GOLGA3: variants seen among roughly 807,000 people sequenced by gnomAD.
The protein encoded by GOLGA3 is golgin subfamily A member 3.
A neutral mutation model predicts 169.4 loss-of-function variants in GOLGA3; 75 were observed. The ratio of observed to expected loss-of-function variants is 0.44; its 90% CI spans 0.37 to 0.54. The LOEUF (loss-of-function observed/expected upper bound fraction) is 0.54. GOLGA3 is among the 20% of genes least tolerant of loss of function. GOLGA3 has a pLI of 0.00. For missense variants in GOLGA3, 1,899 were observed against 1,930.0 expected (o/e 0.98, Z 0.30); for synonymous variants, 824 against 822.4 (o/e 1.00, Z -0.03).
chr12:132,784,340 T>C (rs1169405026), intron 15 of GOLGA3, 33 bp from the exon 16 acceptor site: 5 of 1,578,788 alleles, frequency 3.2e-6, no homozygotes, highest in Non-Finnish European at 3.4e-6. Context: ...CGCTTGGTCA[T>C]GGGACAGGCC....
chr12:132,773,015 G>A lies in GOLGA3; in HGVS notation c.*90C>T. On this transcript the variant is annotated 3_prime_UTR_variant, in exon 24 of 24. Transcript: ENST00000450791. ...AGGCAAAACAAAACTTAAATTTCATGTCTTAGAAAAACATCGACCACACAA... is the reference window on the plus strand; with the variant it reads ...AGGCAAAACAAAACTTAAATTTCATATCTTAGAAAAACATCGACCACACAA... The A allele has an allele frequency of 1.0e-6, 1 of 976,410 alleles. No individual in the cohort carries two copies. The highest frequency in any genetic ancestry group is 1.5e-6 in the Non-Finnish European group (1 of 681,910). 60.5% of individuals were successfully genotyped at this position (976,410 alleles called of 1,614,324 possible).
At chr12:132,780,722 G>A (rs1341157445) in intron 18 of GOLGA3, 76 bp downstream of exon 18, 3 of 909,232 alleles carry the variant, frequency 3.3e-6, no homozygotes, top group Non-Finnish European at 3.6e-6. Context: ...AGGCTGGTGT[G>A]TGAAGGACCC....
At chr12:132,783,291 AG>A (rs1480254154) in intron 16 of GOLGA3, among the ~76,000 whole-genome samples, 1 of 148,390 alleles carries the variant, frequency 6.7e-6, no homozygotes, top group African/African-American at 2.5e-5. Flanking sequence ...GGTCATGGTC[AG>A]TTGCTTCCCC....
rs780760765 is a variant in GOLGA3 at position 132,777,105 on chromosome 12, CAAGA to C, written c.3723-19_3723-16del. 1.3e-6 allele frequency: 2 copies of C among 1,568,426 alleles called. No homozygotes were observed. Among genetic ancestry groups the C allele is most frequent in the South Asian group, 1.2e-5 (1 of 83,704 alleles). On this transcript the variant is annotated splice_polypyrimidine_tract_variant and intron_variant, in intron 19 of 23. Transcript: ENST00000450791. This position sits in a 1 kb window ranked among gnomAD's most constrained non-coding sequence, Gnocchi z 4.7. ...CCTCCCGAATCCTAGCGTAAAAAAA[CAAGA>C]AAGAAGGGAATCGCCACGCTCCTCC...
rs895999117 is a variant in GOLGA3 at position 132,804,570 on chromosome 12, G to A, written c.1597+146C>T. ...CGGGGACCAGTCGAGGAAGGAGGGA[G>A]CAGCGGGGACCAGTCGAGGAAGGAG... is the stretch of plus-strand genomic sequence containing the variant. On this transcript the variant is annotated intron_variant, in intron 7 of 23. Coordinates refer to ENST00000450791, the MANE Select transcript of GOLGA3 (RefSeq NM_001389683.1). The surrounding 1 kb of genome is among the most constrained non-coding windows in gnomAD (Gnocchi z 4.1). 5 of 665,806 alleles carry A rather than the reference G, an allele frequency of 7.5e-6. No homozygotes were observed. The highest frequency in any genetic ancestry group is 7.2e-5 in the African/African-American group (4 of 55,562). The allele number at this position is 665,806 out of a possible 1,614,324, so 41.2% of individuals were successfully genotyped here. A position where few individuals can be genotyped will look rare whatever the true frequency, so the allele number is the denominator to read the frequency against.
chr12:132,816,918 C>CACGG lies in GOLGA3; in HGVS notation c.134-110_134-107dup, dbSNP rs1949983814. 3 of 1,026,152 alleles carry CACGG rather than the reference C, an allele frequency of 2.9e-6. No homozygotes were observed. In the African/African-American group the frequency reaches 4.9e-5, roughly 17 times the overall value. 63.6% of individuals were successfully genotyped at this position (1,026,152 alleles called of 1,614,324 possible). On this transcript the variant is annotated intron_variant, in intron 2 of 23. Transcript: ENST00000450791. ...AGAGAAGAGGATCCAGACTCATGAG[C>CACGG]ACGGCACTTTCTCATCCCACAAAGG...
chr12:132,809,839 G>A (rs189186957), intron 4 of GOLGA3, among the ~76,000 whole-genome samples: 64 of 152,300 alleles, frequency 4.2e-4, no homozygotes, highest in Middle Eastern at 3.4e-3. Flanking sequence ...GGAACAGCCC[G>A]TGTCCTCTGT....
Position 132,808,046 on chromosome 12 carries a change from G to C in GOLGA3, c.1023C>G (p.Thr341=). The change falls in exon 5 of 24, where the codon ACC becomes ACG. Residue 341 remains threonine, a synonymous_variant. Transcript: ENST00000450791. Reference sequence around the variant, plus strand: ...TCTCCTGGCCGTTGACCATATAGGGGGTGTCCTGCGTGCCCACTGTCTTCG... The same window carrying C: ...TCTCCTGGCCGTTGACCATATAGGGCGTGTCCTGCGTGCCCACTGTCTTCG... ...ILSKTVGTQD[T]PYMVNGQEIP... is the part of the protein sequence containing the mutation. 1 of 1,603,892 alleles carries C rather than the reference G, an allele frequency of 6.2e-7. No individual in the cohort carries two copies. The highest frequency in any genetic ancestry group is 8.5e-7 in the Non-Finnish European group (1 of 1,174,112).
In GOLGA3 at chr12:132,807,962, G is replaced by T. The variant is rs375562503; in HGVS notation, c.1107C>A (p.Ala369=). The part of the protein sequence containing the change: ...PSIKDVLQAA[A]AEHQDQGQEV... ...CCTGCCCCTGGTCTTGGTGCTCAGCGGCTGCGGCCTGGAGGACGTCCTTAA... is the reference window on the plus strand; with the variant it reads ...CCTGCCCCTGGTCTTGGTGCTCAGCTGCTGCGGCCTGGAGGACGTCCTTAA... The change falls in exon 5 of 24, where the codon GCC becomes GCA. Residue 369 remains alanine (A), a synonymous_variant. Transcript: ENST00000450791. The T allele has an allele frequency of 6.2e-7, 1 of 1,612,932 alleles. No homozygotes were observed. Among genetic ancestry groups the T allele is most frequent in the African/African-American group, 1.3e-5 (1 of 74,570 alleles).
rs1198638648 is a variant in GOLGA3, at chr12:132,812,212, C to CAT, written c.519+1093_519+1094dup. Reference sequence around the variant, plus strand: ...CAAAATACACACACACACACACACACATATATATATATATATATTTTTTTT... The same window carrying CAT: ...CAAAATACACACACACACACACACACATATATATATATATATATATTTTTTTT... On this transcript the variant is annotated intron_variant, in intron 4 of 23. Transcript: ENST00000450791. Among the ~76,000 whole-genome samples the CAT allele has an allele frequency of 4.1e-3, 477 of 116,292 alleles. 1 individual carries two copies. Among genetic ancestry groups the CAT allele is most frequent in the African/African-American group, 0.012 (445 of 36,254 alleles). The allele number at this position is 116,292 out of a possible 152,430, so 76.3% of individuals were successfully genotyped here.
At chr12:132,790,165 A>T (rs912650913) in intron 12 of GOLGA3, among the ~76,000 whole-genome samples, 8 of 151,574 alleles carry the variant, frequency 5.3e-5, no homozygotes, top group Non-Finnish European at 1.2e-4. Context: ...CCCCGTCTCT[A>T]CTAAAAATGC....
At position 132,819,398 on chromosome 12, in the gene GOLGA3, G is replaced by A. The variant is rs769652156; in HGVS notation, c.134-2586C>T. 7.7e-4 allele frequency among the ~76,000 whole-genome samples: 117 copies of A among 151,910 alleles called. 2 individuals carry two copies. The highest frequency in any genetic ancestry group is 4.3e-4 in the Non-Finnish European group (29 of 67,972). On this transcript the variant is annotated intron_variant, in intron 2 of 23. Transcript: ENST00000450791. ...CAAAGACTTAGCTGGGCGTGGTGGC[G>A]GGCGCCTATAGTCCCAGCTACTTGG... is the stretch of plus-strand genomic sequence containing the variant.
At chr12:132,818,263 C>T (rs1465955283) in intron 2 of GOLGA3, among the ~76,000 whole-genome samples, 1 of 152,130 alleles carries the variant, frequency 6.6e-6, no homozygotes, top group Non-Finnish European at 1.5e-5. Context: ...AGTAACATTT[C>T]CTCTTCTCTT....
In GOLGA3 at chr12:132,776,554, C is replaced by T; in HGVS notation, c.3978+80G>A. ...GTGCCCAGCGCCTCACACACAGGTA[C>T]CCGCAGCAGCTGCTGTAGCCCCTCC... is the stretch of plus-strand genomic sequence containing the variant. On this transcript the variant is annotated intron_variant, in intron 21 of 23. Coordinates refer to ENST00000450791, the MANE Select transcript of GOLGA3 (RefSeq NM_001389683.1). 5 of 519,872 alleles carry T rather than the reference C, an allele frequency of 9.6e-6. 2 individuals are homozygous for T. The highest frequency in any genetic ancestry group is 1.2e-5 in the Non-Finnish European group (5 of 403,748). 32.2% of individuals were successfully genotyped at this position (519,872 alleles called of 1,614,324 possible). A position where few individuals can be genotyped will look rare whatever the true frequency, so the allele number is the denominator to read the frequency against.
Position 132,770,134 on chromosome 12 carries a change from G to A in GOLGA3, c.*2971C>T, listed in dbSNP as rs1198582794. The A allele has an allele frequency of 2.0e-5, 3 of 151,652 alleles. No homozygotes were observed. Among genetic ancestry groups the A allele is most frequent in the South Asian group, 2.1e-4 (1 of 4,826 alleles). The allele number at this position is 151,652 out of a possible 1,614,324, so 9.4% of individuals were successfully genotyped here. A position where few individuals can be genotyped will look rare whatever the true frequency, so the allele number is the denominator to read the frequency against. ...TGTAATCCCAGCTACTGGGGAGAAT[G>A]AGGCAGGAGAATCGCTTGAACCCAG... On this transcript the variant is annotated 3_prime_UTR_variant, in exon 24 of 24. Transcript: ENST00000450791.
intron 22 of GOLGA3, chr12:132,774,728 C>T (rs947399275): frequency 9.6e-6 from 4 of 415,090 alleles, no homozygotes; most frequent in East Asian, 4.2e-5. Flanking sequence ...GATAAGCACA[C>T]GACGCTAAAC....
rs1200407984 is a variant in GOLGA3 at position 132,770,479 on chromosome 12, G to A, written c.*2626C>T. ...CACACACGCAGGAAAACCGGGGTGA[G>A]AACATAGAGCTACTTTTCCTTCGGT... On this transcript the variant is annotated 3_prime_UTR_variant, in exon 24 of 24. Transcript: ENST00000450791. 2.6e-5 allele frequency: 4 copies of A among 152,088 alleles called. No individual in the cohort carries two copies. The highest frequency in any genetic ancestry group is 4.1e-4 in the South Asian group (2 of 4,824). 9.4% of individuals were successfully genotyped at this position (152,088 alleles called of 1,614,324 possible). A position where few individuals can be genotyped will look rare whatever the true frequency, so the allele number is the denominator to read the frequency against.
Position 132,804,757 on chromosome 12 carries a change from A to G in GOLGA3, c.1556T>C (p.Val519Ala), listed in dbSNP as rs1593329347. 1.9e-6 allele frequency: 3 copies of G among 1,614,176 alleles called. No individual in the cohort carries two copies. The highest frequency in any genetic ancestry group is 2.5e-6 in the Non-Finnish European group (3 of 1,180,012). ...EEQYQRLMAK[V>A]EDMQRSMLSK... ...GAGCATGCTCCTCTGCATGTCCTCT[A>G]CCTTGGCCATAAGCCTCTGGTACTG... is the stretch of plus-strand genomic sequence containing the variant. The change falls in exon 7 of 24, where the codon GTA (valine) becomes GCA (alanine). Residue 519 changes from valine to alanine, a missense_variant. Physicochemically the swap from Val to Ala is moderately conservative, Grantham distance 64. Coordinates refer to ENST00000450791, the MANE Select transcript of GOLGA3 (RefSeq NM_001389683.1). This position sits in a 1 kb window ranked among gnomAD's most constrained non-coding sequence, Gnocchi z 4.1.
intron 8 of GOLGA3, among the ~76,000 whole-genome samples, chr12:132,800,659 C>G (rs1359828860): frequency 6.6e-6 from 1 of 151,992 alleles, no homozygotes; most frequent in Middle Eastern, 3.2e-3. Context: ...AAAAATTCCA[C>G]AGCTAATTAA....
Sources: allele counts gnomAD v4.1 joint callset (sites outside exome capture counted in the v4.1 genomes callset), GRCh38; gene constraint gnomAD v4.1.1; non-coding constraint Gnocchi (gnomAD v3.1); transcripts MANE v1.5; gene names NCBI Gene and HGNC (gene_info 2026-07-23, HGNC 2026-07-21).